Variants in SPTBN2 observed in about 807,000 individuals in gnomAD.
SPTBN2 encodes the protein spectrin beta chain, non-erythrocytic 2.
A neutral mutation model predicts 284.2 loss-of-function variants in SPTBN2; 107 were observed. The ratio of observed to expected loss-of-function variants is 0.38; its 90% CI spans 0.32 to 0.44. SPTBN2 has a LOEUF of 0.44. Ranked by LOEUF, SPTBN2 falls within the 20% of genes least tolerant of loss-of-function variation. SPTBN2 has a pLI of 1.00. For synonymous variants in SPTBN2, 1,289 were observed against 1,354.8 expected (o/e 0.95, Z 1.07); for missense variants, 2,569 against 3,287.1 (o/e 0.78, Z 5.34).
intron 1 of SPTBN2, among the ~76,000 whole-genome samples, chr11:66,743,231 TAAAA>T (rs1381071568): frequency 1.4e-3 from 218 of 152,188 alleles, no homozygotes; most frequent in African/African-American, 5.2e-3. Context: ...TTTCCAGAAA[TAAAA>T]GCTACCTTGC....
rs750958874 is a variant in SPTBN2 at position 66,687,676 on chromosome 11, G to A, written c.6502-29C>T. 1.3e-6 allele frequency: 2 copies of A among 1,575,884 alleles called. No individual in the cohort carries two copies. Among genetic ancestry groups the A allele is most frequent in the Non-Finnish European group, 1.7e-6 (2 of 1,160,386 alleles). Reference sequence around the variant, plus strand: ...GGGGGGAATCAGTGTCAGTGTCAAAGGTTGAGACGGGAGATCCCTAACCTG... The same window carrying A: ...GGGGGGAATCAGTGTCAGTGTCAAAAGTTGAGACGGGAGATCCCTAACCTG... On this transcript the variant is annotated intron_variant, in intron 34 of 37. Coordinates refer to ENST00000533211, the MANE Select transcript of SPTBN2 (RefSeq NM_006946.4). The surrounding 1 kb of genome is among the most constrained non-coding windows in gnomAD (Gnocchi z 5.2).
chr11:66,689,811 G>A lies in SPTBN2; in HGVS notation c.5943C>T (p.Ala1981=), dbSNP rs761380862. 33 of 1,613,458 alleles carry A rather than the reference G, an allele frequency of 2.0e-5. No individual in the cohort carries two copies. Among genetic ancestry groups the A allele is most frequent in the South Asian group, 1.2e-4 (11 of 91,054 alleles). ...CCACCCAGGCCTCACCCACCTCCTCGGCCGCATAGTGGCTCCTGGCCAGCA... is the reference window on the plus strand; with the variant it reads ...CCACCCAGGCCTCACCCACCTCCTCAGCCGCATAGTGGCTCCTGGCCAGCA... ...KELLARSHYA[A]EEISEKLSQL... Residue 1981 remains alanine (A), a synonymous_variant, in exon 29 of 38, where the codon GCC becomes GCT. Coordinates refer to ENST00000533211, the MANE Select transcript of SPTBN2 (RefSeq NM_006946.4).
intron 1 of SPTBN2, among the ~76,000 whole-genome samples, chr11:66,736,532 C>T (rs896957824): frequency 2.0e-5 from 3 of 152,150 alleles, no homozygotes; most frequent in Non-Finnish European, 4.4e-5. Context: ...ACTTTTTCTT[C>T]CAAGAAGCTC....
At chr11:66,726,853 G>A (rs1211416996) in intron 1 of SPTBN2, among the ~76,000 whole-genome samples, 2 of 152,192 alleles carry the variant, frequency 1.3e-5, no homozygotes, top group Non-Finnish European at 2.9e-5. Context: ...GACTGGCAGA[G>A]AGATAAAACG....
intron 18 of SPTBN2, 90 bp from the exon 19 acceptor site, chr11:66,699,172 G>A: frequency 2.0e-6 from 3 of 1,501,520 alleles, no homozygotes; most frequent in Non-Finnish European, 2.8e-6. Context: ...TTTCTTCTAG[G>A]GGAATAACGC....
chr11:66,704,571 G>T, intron 15 of SPTBN2, 27 bp downstream of exon 15: 1 of 1,605,398 alleles, frequency 6.2e-7, no homozygotes, highest in African/African-American at 1.3e-5. Flanking sequence ...CCCAAGGCTG[G>T]TCCCACTAGG....
In SPTBN2 at chr11:66,707,017, C is replaced by T. The variant is rs929365491; in HGVS notation, c.1653+499G>A. On this transcript the variant is annotated intron_variant, in intron 13 of 37. Coordinates refer to ENST00000533211, the MANE Select transcript of SPTBN2 (RefSeq NM_006946.4). The surrounding 1 kb of genome is among the most constrained non-coding windows in gnomAD (Gnocchi z 4.9). ...GCCTGTAAGGCCCTAGTGGGCTGGC[C>T]GTGCCCTCCCAAATCTCAGTCCATG... Among the ~76,000 whole-genome samples, 5 of 152,256 alleles carry T rather than the reference C, an allele frequency of 3.3e-5. No homozygotes were observed. Among genetic ancestry groups the T allele is most frequent in the Admixed American group, 6.5e-5 (1 of 15,290 alleles).
At chr11:66,694,481 A>C (rs891013826) in intron 21 of SPTBN2, 118 bp from the exon 22 acceptor site, 1 of 1,007,544 alleles carries the variant, frequency 9.9e-7, no homozygotes, top group African/African-American at 1.6e-5. Flanking sequence ...CAGCTCACCC[A>C]GGGAGAGCAT....
upstream of SPTBN2, among the ~76,000 whole-genome samples, chr11:66,732,830 G>A (rs1426703565): frequency 6.6e-6 from 1 of 151,692 alleles, no homozygotes; most frequent in Non-Finnish European, 1.5e-5. Flanking sequence ...GCCGGGCGTG[G>A]TGGCAAGTGC....
intron 1 of SPTBN2, among the ~76,000 whole-genome samples, chr11:66,725,817 T>A (rs1565161580): frequency 6.6e-6 from 1 of 152,124 alleles, no homozygotes. Context: ...CCAGGGCAGT[T>A]TTCCTCTCTT....
intron 1 of SPTBN2, among the ~76,000 whole-genome samples, chr11:66,722,665 G>A (rs1020204422): frequency 1.3e-5 from 2 of 151,766 alleles, no homozygotes; most frequent in South Asian, 2.1e-4. Flanking sequence ...AGGCCAAGGC[G>A]GGTGGCTCAC....
chr11:66,726,007 C>CGCATTACG (rs1274561258), intron 1 of SPTBN2, among the ~76,000 whole-genome samples: 3 of 152,172 alleles, frequency 2.0e-5, no homozygotes, highest in Non-Finnish European at 4.4e-5. Context: ...CTTATCACAT[C>CGCATTACG]GCATTACGGT....
intron 1 of SPTBN2, among the ~76,000 whole-genome samples, chr11:66,742,494 G>A (rs1047533512): frequency 2.0e-5 from 3 of 152,116 alleles, no homozygotes; most frequent in Admixed American, 6.5e-5. Context: ...GACAAGGGCT[G>A]AAAGCTAGAG....
In SPTBN2 at chr11:66,708,317, G is replaced by A; in HGVS notation, c.1192-18C>T. Reference sequence around the variant, plus strand: ...TCCCAAGCCTATGGGGTGGGGACAGGGTTAGTGGAAGGGACAGGGTGGGGA... The same window carrying A: ...TCCCAAGCCTATGGGGTGGGGACAGAGTTAGTGGAAGGGACAGGGTGGGGA... On this transcript the variant is annotated intron_variant, in intron 11 of 37. Coordinates refer to ENST00000533211, the MANE Select transcript of SPTBN2 (RefSeq NM_006946.4). The surrounding 1 kb of genome is among the most constrained non-coding windows in gnomAD (Gnocchi z 4.4). The A allele has an allele frequency of 1.3e-6, 2 of 1,571,984 alleles. No homozygotes were observed. Among genetic ancestry groups the A allele is most frequent in the African/African-American group, 1.3e-5 (1 of 74,336 alleles).
At chr11:66,741,054 G>A (rs1243120871) in intron 1 of SPTBN2, among the ~76,000 whole-genome samples, 6 of 152,152 alleles carry the variant, frequency 3.9e-5, no homozygotes. Flanking sequence ...CTTATAGGGG[G>A]GCAGGGAGTG....
chr11:66,711,817 C>A (rs1398588411), intron 8 of SPTBN2, among the ~76,000 whole-genome samples: 1 of 152,198 alleles, frequency 6.6e-6, no homozygotes, highest in Non-Finnish European at 1.5e-5. Context: ...AGCCATGCTA[C>A]CCAGAGGCTC....
chr11:66,732,822 C>G (rs553109329), upstream of SPTBN2, among the ~76,000 whole-genome samples: 18 of 135,572 alleles, frequency 1.3e-4, no homozygotes, highest in Admixed American at 4.5e-4. Context: ...AAGAATTAGC[C>G]GGGCGTGGTG....
At chr11:66,697,284 G>A (rs1471428938) in intron 20 of SPTBN2, among the ~76,000 whole-genome samples, 2 of 152,034 alleles carry the variant, frequency 1.3e-5, no homozygotes, top group African/African-American at 4.8e-5. Flanking sequence ...ACTGTTTCAG[G>A]GTCTGCTTCT....
chr11:66,698,864 G>C, intron 19 of SPTBN2, 79 bp from the exon 20 acceptor site: 1 of 1,604,278 alleles, frequency 6.2e-7, no homozygotes, highest in Non-Finnish European at 8.5e-7. Context: ...TGAGCCAGGA[G>C]AAGTGGGCGC....
Sources: allele counts gnomAD v4.1 joint callset (sites outside exome capture counted in the v4.1 genomes callset), GRCh38; gene constraint gnomAD v4.1.1; non-coding constraint Gnocchi (gnomAD v3.1); transcripts MANE v1.5; gene names NCBI Gene and HGNC (gene_info 2026-07-23, HGNC 2026-07-21).